The following ADCY5 variants were observed in gnomAD, a reference collection of about 807,000 sequenced individuals.
The protein encoded by ADCY5 is adenylate cyclase type 5.
ADCY5 carries 30 observed loss-of-function variants against 119.7 expected under a neutral mutation model. The observed-to-expected ratio is 0.25, with a 90% confidence interval of 0.19 to 0.34. The LOEUF (loss-of-function observed/expected upper bound fraction) is 0.34. Among genes scored for constraint, ADCY5 ranks in the 10% least tolerant of loss-of-function variants. The pLI, the probability that ADCY5 is intolerant of heterozygous loss-of-function variation, is 1.00. For missense variants in ADCY5, 1,324 were observed against 1,775.2 expected (o/e 0.75, Z 4.57); for synonymous variants, 753 against 762.2 (o/e 0.99, Z 0.20).
rs897810580 is a variant in ADCY5 at position 123,363,918 on chromosome 3, T to C, written c.1135-11337A>G. 2.0e-5 allele frequency among the ~76,000 whole-genome samples: 3 copies of C among 152,090 alleles called. No individual in the cohort carries two copies. In the East Asian group the frequency reaches 5.8e-4, roughly 29 times the overall value. ...AGCAAGACTCTGCATTAAGATGAAA[T>C]AAAATAAAACTTTGGTGCTCAATAC... On this transcript the variant is annotated intron_variant, in intron 1 of 20. Coordinates refer to ENST00000462833, the MANE Select transcript of ADCY5 (RefSeq NM_183357.3).
At chr3:123,404,252 G>A (rs988871461) in intron 1 of ADCY5, 2 of 152,214 alleles carry the variant, frequency 1.3e-5, no homozygotes, top group Non-Finnish European at 2.9e-5. Flanking sequence ...AAGGCTGGTT[G>A]ACAAGCACCC....
At chr3:123,327,822 C>T in intron 6 of ADCY5, 63 bp from the exon 7 acceptor site, 2 of 1,575,332 alleles carry the variant, frequency 1.3e-6, no homozygotes, top group Non-Finnish European at 1.7e-6. Context: ...TGTCAGCCCC[C>T]GTGAAAAACC....
chr3:123,320,921 T>C, intron 8 of ADCY5, 150 bp from the exon 9 acceptor site: 1 of 650,198 alleles, frequency 1.5e-6, no homozygotes, highest in Non-Finnish European at 2.8e-6. Flanking sequence ...CTCCTTTCCT[T>C]CCTTCCTTCA....
intron 1 of ADCY5, among the ~76,000 whole-genome samples, chr3:123,393,010 C>T (rs1245489278): frequency 6.6e-6 from 1 of 152,284 alleles, no homozygotes; most frequent in Admixed American, 6.5e-5. Flanking sequence ...ATGGCACATG[C>T]TAGGAAGACT....
rs562407283 is a variant in ADCY5, at chr3:123,328,525, T to C, written c.1805+119A>G. The C allele has an allele frequency of 2.0e-5, 25 of 1,253,640 alleles. No individual in the cohort carries two copies. In the South Asian group the frequency reaches 3.4e-4, roughly 17 times the overall value. 77.7% of individuals were successfully genotyped at this position (1,253,640 alleles called of 1,614,324 possible). A position where few individuals can be genotyped will look rare whatever the true frequency, so the allele number is the denominator to read the frequency against. On this transcript the variant is annotated intron_variant, in intron 6 of 20. Transcript: ENST00000462833. ...CTCACCCCAGCGCCCCCACAGGTGC[T>C]TGCTGCCCATCCTGCCCACCCCACC...
intron 1 of ADCY5, among the ~76,000 whole-genome samples, chr3:123,379,711 C>CA (rs1943964664): frequency 6.6e-6 from 1 of 152,046 alleles, no homozygotes; most frequent in African/African-American, 2.4e-5. Flanking sequence ...GGAGGCCTCA[C>CA]AGTGCTCAGA....
At chr3:123,342,265 C>T (rs1468244186) in intron 3 of ADCY5, among the ~76,000 whole-genome samples, 3 of 152,170 alleles carry the variant, frequency 2.0e-5, no homozygotes, top group African/African-American at 4.8e-5. Flanking sequence ...GACATTGTCG[C>T]GTGGTCATTA....
At position 123,334,585 on chromosome 3, in the gene ADCY5, A is replaced by G. The variant is rs191081903; in HGVS notation, c.1407-1910T>C. Among the ~76,000 whole-genome samples, 373 of 152,192 alleles carry G rather than the reference A, an allele frequency of 2.5e-3. 2 individuals are homozygous for G. The highest frequency in any genetic ancestry group is 7.7e-3 in the African/African-American group (320 of 41,534). ...AAACCCCATTTCTACTAAAGATACA[A>G]AAATTAGCTGGGCGTGGTGGCATGC... is the stretch of plus-strand genomic sequence containing the variant. On this transcript the variant is annotated intron_variant, in intron 3 of 20. Transcript: ENST00000462833.
chr3:123,414,785 G>C (rs967733073), intron 1 of ADCY5, among the ~76,000 whole-genome samples: 2 of 152,122 alleles, frequency 1.3e-5, no homozygotes, highest in Non-Finnish European at 2.9e-5. Flanking sequence ...TCAAACTCTT[G>C]ACCTCAAGTG....
chr3:123,416,878 T>C (rs1226845674), intron 1 of ADCY5, among the ~76,000 whole-genome samples: 2 of 152,024 alleles, frequency 1.3e-5, no homozygotes, highest in African/African-American at 4.8e-5. Flanking sequence ...GGGACCCTCA[T>C]CTCACAGGAA....
At chr3:123,298,960 G>T (rs1227558015) in intron 15 of ADCY5, among the ~76,000 whole-genome samples, 1 of 148,608 alleles carries the variant, frequency 6.7e-6, no homozygotes, top group Admixed American at 6.9e-5. Flanking sequence ...GTTCACATTT[G>T]CCAGGCTTCC....
At chr3:123,442,765 G>A (rs1945744328) in intron 1 of ADCY5, among the ~76,000 whole-genome samples, 3 of 152,094 alleles carry the variant, frequency 2.0e-5, no homozygotes, top group South Asian at 2.1e-4. Flanking sequence ...TCTAGAAGAC[G>A]ACCCCCACCC....
chr3:123,290,340 G>A (rs1305884978), intron 18 of ADCY5, among the ~76,000 whole-genome samples: 1 of 152,140 alleles, frequency 6.6e-6, no homozygotes, highest in Non-Finnish European at 1.5e-5. Context: ...GGCCCTCCTG[G>A]AAGCCTTCCC....
At position 123,286,703 on chromosome 3, in the gene ADCY5, A is replaced by G; in HGVS notation, c.3639T>C (p.Gly1213=). ...VNVASRMDST[G]VPDRIQVTTD... ...CACTCACCTGGATGCGGTCGGGTAC[A>G]CCGGTGCTGTCCATGCGGCTGGCCA... is the stretch of plus-strand genomic sequence containing the variant. The change falls in exon 20 of 21, where the codon GGT becomes GGC. Residue 1213 remains glycine, a synonymous_variant. Transcript: ENST00000462833. This position sits in a 1 kb window ranked among gnomAD's most constrained non-coding sequence, Gnocchi z 4.2. 1.9e-6 allele frequency: 3 copies of G among 1,612,650 alleles called. No individual in the cohort carries two copies. Among genetic ancestry groups the G allele is most frequent in the Non-Finnish European group, 1.7e-6 (2 of 1,179,312 alleles).
chr3:123,358,513 T>C (rs538752498), intron 1 of ADCY5, among the ~76,000 whole-genome samples: 1 of 152,242 alleles, frequency 6.6e-6, no homozygotes, highest in South Asian at 2.1e-4. Flanking sequence ...GGCAGGAGGA[T>C]CACTTGAGCC....
Position 123,448,235 on chromosome 3 carries a change from T to G in ADCY5, c.311A>C (p.Gln104Pro). The G allele has an allele frequency of 1.4e-6, 2 of 1,425,750 alleles. No individual in the cohort carries two copies. The highest frequency in any genetic ancestry group is 1.8e-6 in the Non-Finnish European group (2 of 1,091,108). 88.3% of individuals were successfully genotyped at this position (1,425,750 alleles called of 1,614,324 possible). Residue 104 changes from glutamine to proline, a missense_variant, in exon 1 of 21, where the codon CAG (glutamine) becomes CCG (proline). By Grantham distance (76) the Gln-to-Pro change is moderately conservative. Around this residue, in one of 6 missense-constraint regions of ADCY5, gnomAD observed 585 missense variants for 569.9 expected, o/e 1.03. Coordinates refer to ENST00000462833, the MANE Select transcript of ADCY5 (RefSeq NM_183357.3). ...GFSFRSKSAW[Q>P]ERGGDDCGRG... ...ACCGCAGTCGTCGCCGCCGCGCTCC[T>G]GCCAGGCGGACTTGGAGCGGAAGCT...
intron 1 of ADCY5, among the ~76,000 whole-genome samples, chr3:123,360,315 T>A (rs1257458894): frequency 2.0e-5 from 3 of 152,026 alleles, no homozygotes; most frequent in African/African-American, 7.3e-5. Context: ...CCAGACAACA[T>A]CGCCTTTCTC....
At chr3:123,392,886 C>T (rs1423572684) in intron 1 of ADCY5, among the ~76,000 whole-genome samples, 1 of 152,056 alleles carries the variant, frequency 6.6e-6, no homozygotes, top group Non-Finnish European at 1.5e-5. Flanking sequence ...ACAGCATCCA[C>T]AGGAGGCCAC....
chr3:123,357,440 C>T (rs996986498), intron 1 of ADCY5, among the ~76,000 whole-genome samples: 1 of 152,184 alleles, frequency 6.6e-6, no homozygotes, highest in African/African-American at 2.4e-5. Context: ...GTCTCTCCTG[C>T]TGTAATCTGA....
Sources: gnomAD v4.1 joint callset for allele counts (sites outside exome capture counted in the v4.1 genomes callset) on GRCh38, gnomAD v4.1.1 for gene constraint, gnomAD v4.1.1 regional missense constraint, Gnocchi (gnomAD v3.1) non-coding constraint, MANE v1.5 for transcripts, NCBI Gene and HGNC (gene_info 2026-07-23, HGNC 2026-07-21) for gene names.